SERGEF: variants seen among roughly 807,000 people sequenced by gnomAD.
The protein encoded by SERGEF is secretion regulating guanine nucleotide exchange factor.
A neutral mutation model predicts 50.0 loss-of-function variants in SERGEF; 51 were observed. The ratio of observed to expected loss-of-function variants is 1.02; its 90% CI spans 0.81 to 1.29. The LOEUF is 1.29. SERGEF is among the 50% of genes most tolerant of loss of function. SERGEF has a pLI of 0.00. For synonymous variants in SERGEF, 205 were observed against 212.4 expected (o/e 0.97, Z 0.30); for missense variants, 521 against 557.0 (o/e 0.94, Z 0.65).
At chr11:17,818,524 A>G (rs917411822) in intron 10 of SERGEF, among the ~76,000 whole-genome samples, 2 of 152,144 alleles carry the variant, frequency 1.3e-5, no homozygotes, top group South Asian at 4.1e-4. Context: ...TGAGAGACTG[A>G]GTAATTGGAT....
intron 8 of SERGEF, among the ~76,000 whole-genome samples, chr11:17,979,661 T>C (rs1853452336): frequency 6.6e-6 from 1 of 152,178 alleles, no homozygotes; most frequent in Admixed American, 6.5e-5. Context: ...GACCTGTCTA[T>C]TCTTTGTGGA....
At chr11:17,824,169 C>T (rs898768190) in intron 10 of SERGEF, among the ~76,000 whole-genome samples, 23 of 152,162 alleles carry the variant, frequency 1.5e-4, no homozygotes, top group African/African-American at 3.9e-4. Context: ...GGCGTGGTGG[C>T]GGGCGCCTGT....
At chr11:17,924,566 G>C (rs1256721148) in intron 9 of SERGEF, among the ~76,000 whole-genome samples, 1 of 152,102 alleles carries the variant, frequency 6.6e-6, no homozygotes, top group African/African-American at 2.4e-5. Context: ...TTGAGTAAGA[G>C]AGTGAAACAT....
intron 10 of SERGEF, among the ~76,000 whole-genome samples, chr11:17,873,148 G>A (rs780006548): frequency 2.6e-5 from 4 of 152,134 alleles, no homozygotes; most frequent in African/African-American, 7.2e-5. Flanking sequence ...CAGTCTGCAG[G>A]AAGGCAGCAT....
intron 9 of SERGEF, among the ~76,000 whole-genome samples, chr11:17,896,569 G>A (rs796759601): frequency 4.3e-4 from 21 of 48,952 alleles, no homozygotes; most frequent in South Asian, 9.8e-4. Context: ...GGGAAGGGAA[G>A]GGGAAGGGAA....
intron 10 of SERGEF, among the ~76,000 whole-genome samples, chr11:17,845,410 T>C (rs530807853): frequency 4.6e-5 from 7 of 152,288 alleles, no homozygotes; most frequent in African/African-American, 1.7e-4. Flanking sequence ...AAAAGCCAAG[T>C]GCAGAAAGGG....
At chr11:17,917,369 G>A (rs1193952197) in intron 9 of SERGEF, among the ~76,000 whole-genome samples, 1 of 152,188 alleles carries the variant, frequency 6.6e-6, no homozygotes, top group Non-Finnish European at 1.5e-5. Context: ...TAAACTATGA[G>A]GATGCAAAGG....
intron 9 of SERGEF, among the ~76,000 whole-genome samples, chr11:17,950,774 T>C (rs1034389986): frequency 6.6e-6 from 1 of 152,232 alleles, no homozygotes; most frequent in Non-Finnish European, 1.5e-5. Context: ...TCTAAACCTC[T>C]GCATGATTTA....
At chr11:17,891,152 T>C (rs866959697) in intron 9 of SERGEF, among the ~76,000 whole-genome samples, 8 of 152,284 alleles carry the variant, frequency 5.3e-5, no homozygotes, top group Middle Eastern at 3.4e-3. Context: ...AGCCAGTACC[T>C]TGGATGAGAT....
At chr11:17,806,407 AT>A (rs1465250417) in intron 10 of SERGEF, among the ~76,000 whole-genome samples, 1 of 152,098 alleles carries the variant, frequency 6.6e-6, no homozygotes, top group Non-Finnish European at 1.5e-5. Context: ...CTGTTATCTC[AT>A]TTCACACCCA....
intron 10 of SERGEF, among the ~76,000 whole-genome samples, chr11:17,804,397 G>A (rs949659935): frequency 6.6e-6 from 1 of 152,202 alleles, no homozygotes; most frequent in African/African-American, 2.4e-5. Context: ...CTGGCTCCAT[G>A]GAATCCTACA....
intron 8 of SERGEF, among the ~76,000 whole-genome samples, 167 bp from the exon 9 acceptor site, chr11:17,959,803 G>A (rs901351252): frequency 6.6e-6 from 1 of 152,178 alleles, no homozygotes; most frequent in Non-Finnish European, 1.5e-5. Context: ...TACAGATGTG[G>A]AAACTAAGGT....
intron 4 of SERGEF, among the ~76,000 whole-genome samples, chr11:18,001,756 T>C (rs916700160): frequency 2.6e-5 from 4 of 152,248 alleles, no homozygotes; most frequent in African/African-American, 9.6e-5. Context: ...CATCACTGGA[T>C]TTCAAATTCC....
intron 9 of SERGEF, among the ~76,000 whole-genome samples, chr11:17,908,711 G>C (rs1851897595): frequency 6.6e-6 from 1 of 152,202 alleles, no homozygotes; most frequent in Middle Eastern, 3.2e-3. Flanking sequence ...GGGAAACCAA[G>C]CCTACCTGAT....
At chr11:17,830,850 ACCGTATCACTTAGTAAGCATACATTTT>A (rs1693197871) in intron 10 of SERGEF, among the ~76,000 whole-genome samples, 1 of 152,142 alleles carries the variant, frequency 6.6e-6, no homozygotes, top group Non-Finnish European at 1.5e-5. Context: ...AAACATTCAA[ACCGTATCACTTAGTAAGCATACATTTT>A]CTAAGTGTGA....
At chr11:17,899,587 T>C (rs1851706629) in intron 9 of SERGEF, among the ~76,000 whole-genome samples, 1 of 152,206 alleles carries the variant, frequency 6.6e-6, no homozygotes, top group Non-Finnish European at 1.5e-5. Context: ...CAGGAATATG[T>C]AAGAAACTTC....
At chr11:17,909,251 A>C (rs912894182) in intron 9 of SERGEF, among the ~76,000 whole-genome samples, 2 of 152,252 alleles carry the variant, frequency 1.3e-5, no homozygotes, top group Admixed American at 1.3e-4. Flanking sequence ...AGAACTATTT[A>C]AAGAAACATA....
At chr11:17,959,420 G>A (rs771432542) in intron 9 of SERGEF, 50 bp downstream of exon 9, 2 of 1,553,930 alleles carry the variant, frequency 1.3e-6, no homozygotes, top group Non-Finnish European at 1.8e-6. Flanking sequence ...ATGATTCACT[G>A]AAAGACAAGA....
chr11:17,912,489 G>T (rs1196188671), intron 9 of SERGEF, among the ~76,000 whole-genome samples: 1 of 152,120 alleles, frequency 6.6e-6, no homozygotes, highest in Non-Finnish European at 1.5e-5. Context: ...GCGTATATAG[G>T]ATCATCTGTA....
Sources: allele counts gnomAD v4.1 joint callset (sites outside exome capture counted in the v4.1 genomes callset), GRCh38; gene constraint gnomAD v4.1.1; transcripts MANE v1.5; gene names NCBI Gene and HGNC (gene_info 2026-07-23, HGNC 2026-07-21).